Variants in FAF1 observed in about 807,000 individuals in gnomAD.
The protein encoded by FAF1 is FAS-associated factor 1.
A neutral mutation model predicts 92.5 loss-of-function variants in FAF1; 25 were observed. That is an observed-to-expected ratio of 0.27 (90% CI 0.20 to 0.38). The LOEUF is 0.38. FAF1 is among the 10% of genes least tolerant of loss of function. The pLI, the probability that FAF1 is intolerant of heterozygous loss-of-function variation, is 1.00. For missense variants in FAF1, 636 were observed against 793.3 expected, an observed-to-expected ratio of 0.80 and a Z score of 2.38; for synonymous variants, 234 against 273.2, an observed-to-expected ratio of 0.86 and a Z score of 1.42.
At chr1:50,535,119 T>C (rs1648403893) in intron 15 of FAF1, among the ~76,000 whole-genome samples, 1 of 152,158 alleles carries the variant, frequency 6.6e-6, no homozygotes, top group South Asian at 2.1e-4. Flanking sequence ...GCAAATCGAC[T>C]TCCTGTACCC....
At chr1:50,724,278 CACACACACACACACACAT>C (rs1473905316) in intron 6 of FAF1, among the ~76,000 whole-genome samples, 8 of 110,452 alleles carry the variant, frequency 7.2e-5, no homozygotes, top group African/African-American at 2.1e-4. Context: ...TATACATATA[CACACACACACACACACAT>C]ACACACACAC....
chr1:50,590,358 C>G (rs751274269), intron 9 of FAF1, among the ~76,000 whole-genome samples: 1 of 152,090 alleles, frequency 6.6e-6, no homozygotes, highest in Non-Finnish European at 1.5e-5. Context: ...ACAAGTCTCC[C>G]GCTTCTTTTA....
intron 18 of FAF1, chr1:50,452,159 C>A (rs766072253): frequency 7.4e-7 from 1 of 1,348,098 alleles, no homozygotes; most frequent in Non-Finnish European, 9.8e-7. Context: ...AGAACGAGAA[C>A]AGGCATGTTT....
intron 2 of FAF1, among the ~76,000 whole-genome samples, chr1:50,827,215 G>A (rs552841792): frequency 6.6e-6 from 1 of 152,310 alleles, no homozygotes; most frequent in African/African-American, 2.4e-5. Flanking sequence ...AAAAGAAAGA[G>A]AGATCAGATT....
chr1:50,683,641 A>T (rs528089271), intron 7 of FAF1, among the ~76,000 whole-genome samples: 2 of 152,256 alleles, frequency 1.3e-5, no homozygotes. Flanking sequence ...GTAATTTTTT[A>T]AATGTTTTTG....
chr1:50,541,773 A>G (rs188561124), intron 13 of FAF1, among the ~76,000 whole-genome samples: 183 of 152,172 alleles, frequency 1.2e-3, no homozygotes, highest in Admixed American at 9.2e-3. Context: ...GAGAGAGAAG[A>G]GAAATAAAAA....
At chr1:50,918,154 A>G (rs191451195) in intron 1 of FAF1, among the ~76,000 whole-genome samples, 3 of 150,198 alleles carry the variant, frequency 2.0e-5, no homozygotes, top group Admixed American at 6.6e-5. Flanking sequence ...CAAAGAGTAC[A>G]TTTCACTGAA....
At chr1:50,505,099 G>A (rs1259641206) in intron 15 of FAF1, among the ~76,000 whole-genome samples, 2 of 152,192 alleles carry the variant, frequency 1.3e-5, no homozygotes, top group African/African-American at 4.8e-5. Context: ...CACTGCTGAA[G>A]AGTGGTTGGG....
At chr1:50,729,042 A>ATCTC (rs1557497143) in intron 6 of FAF1, among the ~76,000 whole-genome samples, 1 of 67,862 alleles carries the variant, frequency 1.5e-5, no homozygotes, top group African/African-American at 6.7e-5. Context: ...ATCTATATAT[A>ATCTC]TATATATATA....
intron 1 of FAF1, among the ~76,000 whole-genome samples, chr1:50,865,141 C>A (rs1396525449): frequency 6.6e-6 from 1 of 151,550 alleles, no homozygotes; most frequent in Non-Finnish European, 1.5e-5. Context: ...CAATGAGTTA[C>A]CATCTCACAC....
Position 50,788,046 on chromosome 1 carries a change from G to A in FAF1, c.321C>T (p.Tyr107=). The A allele has an allele frequency of 1.2e-6, 2 of 1,614,130 alleles. No homozygotes were observed. Among genetic ancestry groups the A allele is most frequent in the South Asian group, 2.2e-5 (2 of 91,086 alleles). ...GTACCACATCAACATTTCTGTCTCTGTATTCAACCCTGAAGTCCAGCATCC... is the reference window on the plus strand; with the variant it reads ...GTACCACATCAACATTTCTGTCTCTATATTCAACCCTGAAGTCCAGCATCC... ...QPRMLDFRVE[Y]RDRNVDVVLE... Residue 107 remains tyrosine (Y), a synonymous_variant, in exon 4 of 19, where the codon TAC becomes TAT. Coordinates refer to ENST00000396153, the MANE Select transcript of FAF1 (RefSeq NM_007051.3).
chr1:50,517,176 A>C (rs540799078), intron 15 of FAF1, among the ~76,000 whole-genome samples: 1 of 152,322 alleles, frequency 6.6e-6, no homozygotes, highest in African/African-American at 2.4e-5. Context: ...TAAAAACAAA[A>C]TGCTAGAATT....
intron 1 of FAF1, among the ~76,000 whole-genome samples, chr1:50,890,429 G>A (rs970619249): frequency 5.9e-5 from 9 of 152,252 alleles, no homozygotes; most frequent in Admixed American, 4.6e-4. Context: ...GATTTTGCTC[G>A]TTAGTTGATG....
chr1:50,906,038 C>A (rs1405707697), intron 1 of FAF1, among the ~76,000 whole-genome samples: 3 of 152,130 alleles, frequency 2.0e-5, no homozygotes, highest in African/African-American at 7.2e-5. Flanking sequence ...TTTAATCCAC[C>A]TTGAATTAAT....
At chr1:50,860,577 T>C (rs1644424310) in intron 1 of FAF1, among the ~76,000 whole-genome samples, 1 of 151,862 alleles carries the variant, frequency 6.6e-6, no homozygotes, top group African/African-American at 2.4e-5. Flanking sequence ...AAAGTGACTA[T>C]TATTAAAATA....
chr1:50,933,389 G>A (rs1248318874), intron 1 of FAF1, among the ~76,000 whole-genome samples: 3 of 152,144 alleles, frequency 2.0e-5, no homozygotes, highest in Non-Finnish European at 4.4e-5. Flanking sequence ...CAAATCTTTA[G>A]GGCAGGGGCA....
At chr1:50,612,038 T>C (rs1374619648) in intron 8 of FAF1, among the ~76,000 whole-genome samples, 2 of 152,244 alleles carry the variant, frequency 1.3e-5, no homozygotes, top group Non-Finnish European at 2.9e-5. Context: ...AGTTCGATGG[T>C]AATCTTGTTA....
intron 7 of FAF1, among the ~76,000 whole-genome samples, chr1:50,664,667 G>A (rs112810143): frequency 2.6e-5 from 4 of 151,986 alleles, no homozygotes; most frequent in African/African-American, 4.8e-5. Flanking sequence ...GGTGGCGGGC[G>A]CCTGTAGTCC....
chr1:50,596,081 T>C (rs111401993), intron 9 of FAF1, 40 bp downstream of exon 9: 3 of 1,380,732 alleles, frequency 2.2e-6, no homozygotes, highest in African/African-American at 1.4e-5. Context: ...AGGTGGGGGA[T>C]GGGCCTTCTG....
Sources: gnomAD v4.1 joint callset for allele counts (sites outside exome capture counted in the v4.1 genomes callset) on GRCh38, gnomAD v4.1.1 for gene constraint, MANE v1.5 for transcripts, NCBI Gene and HGNC (gene_info 2026-07-23, HGNC 2026-07-21) for gene names.